The following DENND1B variants were observed in gnomAD, a reference collection of about 807,000 sequenced individuals.
The protein encoded by DENND1B is DENN domain-containing protein 1B.
Under a neutral mutation model 90.1 loss-of-function variants are expected in DENND1B, and 59 were observed. That is an observed-to-expected ratio of 0.65 (90% CI 0.53 to 0.81). DENND1B has a LOEUF of 0.81. Ranked by LOEUF, DENND1B falls within the 40% of genes least tolerant of loss-of-function variation. The probability of loss-of-function intolerance (pLI) is 0.00; values close to 1 mark genes in which losing one functional copy is unlikely to be tolerated. For synonymous variants in DENND1B, 337 were observed against 324.6 expected (o/e 1.04, Z -0.41); for missense variants, 862 against 912.6 (o/e 0.94, Z 0.71).
rs529423137 is a variant in DENND1B, at chr1:197,510,379, G to T, written c.*81C>A. 38 of 1,429,974 alleles carry T rather than the reference G, an allele frequency of 2.7e-5. No homozygotes were observed. The South Asian group carries it at 5.3e-4, about 20-fold the overall frequency. The allele number at this position is 1,429,974 out of a possible 1,614,324, so 88.6% of individuals were successfully genotyped here. ...AAAAAAAATTTAAATAGTATGAGTT[G>T]CCATTCCTACAAATAATTCTGTTTA... On this transcript the variant is annotated 3_prime_UTR_variant, in exon 23 of 23. Transcript: ENST00000620048.
At chr1:197,569,126 A>T (rs934284952) in intron 15 of DENND1B, among the ~76,000 whole-genome samples, 1 of 152,192 alleles carries the variant, frequency 6.6e-6, no homozygotes, top group Non-Finnish European at 1.5e-5. Flanking sequence ...ATATTTGGAA[A>T]AAAAACATTG....
chr1:197,690,153 T>C, intron 3 of DENND1B: 1 of 278,454 alleles, frequency 3.6e-6, no homozygotes, highest in Non-Finnish European at 7.0e-6. Context: ...CCAAAAAGCT[T>C]TGAGTGAAGC....
intron 2 of DENND1B, among the ~76,000 whole-genome samples, chr1:197,762,323 G>A (rs898183763): frequency 2.6e-5 from 4 of 151,800 alleles, no homozygotes; most frequent in Non-Finnish European, 5.9e-5. Flanking sequence ...CTAGAGTGCA[G>A]TGGCACAATC....
intron 16 of DENND1B, among the ~76,000 whole-genome samples, chr1:197,550,134 G>A (rs1341412059): frequency 6.6e-6 from 1 of 152,012 alleles, no homozygotes; most frequent in Non-Finnish European, 1.5e-5. Context: ...CTTAGCTTTA[G>A]TTAATGTTAA....
At chr1:197,691,477 G>A (rs937404644) in intron 3 of DENND1B, among the ~76,000 whole-genome samples, 1 of 152,014 alleles carries the variant, frequency 6.6e-6, no homozygotes, top group Non-Finnish European at 1.5e-5. Context: ...AAGTGTTGGA[G>A]AGAGTGTAGA....
intron 2 of DENND1B, among the ~76,000 whole-genome samples, chr1:197,758,673 A>G (rs550510366): frequency 2.0e-5 from 3 of 152,334 alleles, no homozygotes; most frequent in Non-Finnish European, 4.4e-5. Flanking sequence ...TTCCACCATG[A>G]TGTCTATCAG....
intron 15 of DENND1B, among the ~76,000 whole-genome samples, chr1:197,560,088 C>T (rs2111931): frequency 0.8 from 121,451 of 151,772 alleles, 48,710 homozygotes; most frequent in East Asian, 0.87. Context: ...GTGCAATGTA[C>T]TATTAAAACT....
chr1:197,587,643 G>A (rs1206361247), intron 14 of DENND1B, among the ~76,000 whole-genome samples: 1 of 152,150 alleles, frequency 6.6e-6, no homozygotes, highest in Non-Finnish European at 1.5e-5. Flanking sequence ...CCCTATGGCA[G>A]TGGTCCCCAA....
At chr1:197,722,796 T>C (rs1017895264) in intron 2 of DENND1B, among the ~76,000 whole-genome samples, 7 of 152,222 alleles carry the variant, frequency 4.6e-5, no homozygotes, top group Non-Finnish European at 1.0e-4. Flanking sequence ...TTCTATTTGT[T>C]ATTTTACATA....
At chr1:197,619,714 C>T (rs1213935489) in intron 10 of DENND1B, among the ~76,000 whole-genome samples, 1 of 151,252 alleles carries the variant, frequency 6.6e-6, no homozygotes, top group Non-Finnish European at 1.5e-5. Flanking sequence ...CTTTCCCTGC[C>T]TCCTTACTGG....
intron 11 of DENND1B, among the ~76,000 whole-genome samples, chr1:197,616,718 A>G (rs756148655): frequency 2.0e-5 from 3 of 151,150 alleles, no homozygotes; most frequent in Non-Finnish European, 4.5e-5. Flanking sequence ...TTTATGAAAT[A>G]AGAAAGTTAA....
At chr1:197,722,816 T>C (rs760358296) in intron 2 of DENND1B, among the ~76,000 whole-genome samples, 4 of 152,182 alleles carry the variant, frequency 2.6e-5, no homozygotes, top group Non-Finnish European at 5.9e-5. Flanking sequence ...AATGCATACA[T>C]TTAAAATTAA....
intron 20 of DENND1B, among the ~76,000 whole-genome samples, chr1:197,518,231 G>T (rs1351987296): frequency 6.6e-6 from 1 of 151,816 alleles, no homozygotes. Flanking sequence ...GTCCTGTGGG[G>T]GTTATCAAGT....
Position 197,510,818 on chromosome 1 carries a change from G to A in DENND1B, c.1970C>T (p.Thr657Ile), listed in dbSNP as rs1378251416. The A allele has an allele frequency of 6.2e-7, 1 of 1,612,284 alleles. No homozygotes were observed. The highest frequency in any genetic ancestry group is 8.5e-7 in the Non-Finnish European group (1 of 1,179,040). The change falls in exon 23 of 23, where the codon ACA (threonine) becomes ATA (isoleucine). Residue 657 changes from threonine to isoleucine, a missense_variant. By Grantham distance (89) the Thr-to-Ile change is moderately conservative. Transcript: ENST00000620048. Reference protein sequence around the residue: ...PRKRVSSSGLTDSLFILKEEN... With the variant: ...PRKRVSSSGLIDSLFILKEEN... ...CTCTTTCAGGATAAACAGAGAATCTGTCAAACCACTAGAGGAAACCCGCTT... is the reference window on the plus strand; with the variant it reads ...CTCTTTCAGGATAAACAGAGAATCTATCAAACCACTAGAGGAAACCCGCTT...
chr1:197,547,772 T>C (rs1393666927), intron 16 of DENND1B, among the ~76,000 whole-genome samples: 2 of 152,118 alleles, frequency 1.3e-5, no homozygotes, highest in Non-Finnish European at 2.9e-5. Flanking sequence ...TGTAAAATAA[T>C]AAAACATTCC....
At chr1:197,692,566 G>A (rs1469149368) in intron 3 of DENND1B, among the ~76,000 whole-genome samples, 1 of 151,720 alleles carries the variant, frequency 6.6e-6, no homozygotes, top group Non-Finnish European at 1.5e-5. Context: ...GTTATCTGAT[G>A]TTAATCTTCC....
At chr1:197,525,634 T>G (rs1669086390) in intron 20 of DENND1B, among the ~76,000 whole-genome samples, 1 of 152,052 alleles carries the variant, frequency 6.6e-6, no homozygotes, top group Non-Finnish European at 1.5e-5. Context: ...CCTTAGTAAA[T>G]TATGTTTTCA....
rs148467297 is a variant in DENND1B at position 197,755,671 on chromosome 1, T to C, written c.82+17197A>G. 2.8e-4 allele frequency among the ~76,000 whole-genome samples: 42 copies of C among 152,242 alleles called. No individual in the cohort carries two copies. The East Asian group carries it at 7.1e-3, about 26-fold the overall frequency. ...AAACACATACCCGAGACTGGGCAATTTACAAAAGAAAGAGGTTTATTGGAC... is the reference window on the plus strand; with the variant it reads ...AAACACATACCCGAGACTGGGCAATCTACAAAAGAAAGAGGTTTATTGGAC... On this transcript the variant is annotated intron_variant, in intron 2 of 22. Coordinates refer to ENST00000620048, the MANE Select transcript of DENND1B (RefSeq NM_001195215.2).
chr1:197,698,071 G>C (rs1393265348), intron 3 of DENND1B, among the ~76,000 whole-genome samples: 2 of 151,822 alleles, frequency 1.3e-5, no homozygotes, highest in Non-Finnish European at 2.9e-5. Flanking sequence ...AAGTGGACCT[G>C]GTAGATGTCT....
Sources: gnomAD v4.1 joint callset for allele counts (sites outside exome capture counted in the v4.1 genomes callset) on GRCh38, gnomAD v4.1.1 for gene constraint, MANE v1.5 for transcripts, NCBI Gene and HGNC (gene_info 2026-07-23, HGNC 2026-07-21) for gene names.